SNAP91: variants seen among roughly 807,000 people sequenced by gnomAD.
SNAP91 encodes synaptosome associated protein 91.
In SNAP91, 27 loss-of-function variants were observed where a neutral mutation model predicts 100.3. The ratio of observed to expected loss-of-function variants is 0.27; its 90% CI spans 0.20 to 0.37. The LOEUF (loss-of-function observed/expected upper bound fraction) is 0.37, where lower values mean the gene tolerates loss of function less well. Among genes scored for constraint, SNAP91 ranks in the 10% least tolerant of loss-of-function variants. The pLI, the probability that SNAP91 is intolerant of heterozygous loss-of-function variation, is 1.00. For missense variants in SNAP91, 986 were observed against 1,123.7 expected (o/e 0.88, Z 1.75); for synonymous variants, 404 against 398.6 (o/e 1.01, Z -0.16).
At chr6:83,693,834 G>A (rs1476745665) in intron 2 of SNAP91, among the ~76,000 whole-genome samples, 1 of 152,178 alleles carries the variant, frequency 6.6e-6, no homozygotes, top group African/African-American at 2.4e-5. Flanking sequence ...CCATTTCTGG[G>A]TCTATGTAAA....
At chr6:83,586,082 T>C (rs2092548594) in intron 22 of SNAP91, among the ~76,000 whole-genome samples, 1 of 152,104 alleles carries the variant, frequency 6.6e-6, no homozygotes, top group African/African-American at 2.4e-5. Flanking sequence ...TCTCCTGACC[T>C]TGTGATCTGC....
chr6:83,635,452 CT>C (rs971537914), intron 8 of SNAP91, among the ~76,000 whole-genome samples: 7 of 151,942 alleles, frequency 4.6e-5, no homozygotes, highest in Admixed American at 1.3e-4. Context: ...TGTACTTTTT[CT>C]TTTTTTACTG....
At chr6:83,645,606 G>A (rs192650851) in intron 7 of SNAP91, among the ~76,000 whole-genome samples, 11 of 152,206 alleles carry the variant, frequency 7.2e-5, no homozygotes, top group African/African-American at 2.7e-4. Flanking sequence ...CAGTACTGTG[G>A]GAGGCTGAGG....
chr6:83,674,500 A>G (rs1325620856), intron 2 of SNAP91, among the ~76,000 whole-genome samples: 1 of 152,194 alleles, frequency 6.6e-6, no homozygotes, highest in African/African-American at 2.4e-5. Flanking sequence ...TGTTACTTGC[A>G]ACCAAATGCA....
intron 28 of SNAP91, 49 bp downstream of exon 28, chr6:83,560,055 T>C (rs1463399659): frequency 2.1e-6 from 3 of 1,458,290 alleles, no homozygotes; most frequent in African/African-American, 1.4e-5. Context: ...ACCAATGTTT[T>C]ACACTTATTA....
At chr6:83,629,678 A>G (rs1297190098) in intron 8 of SNAP91, among the ~76,000 whole-genome samples, 2 of 152,026 alleles carry the variant, frequency 1.3e-5, no homozygotes, top group Non-Finnish European at 2.9e-5. Flanking sequence ...TGTATCGAAG[A>G]GCTACTGATT....
At chr6:83,582,197 G>C (rs762929970) in intron 23 of SNAP91, 25 bp downstream of exon 23, 2 of 1,611,134 alleles carry the variant, frequency 1.2e-6, no homozygotes, top group East Asian at 2.2e-5. Context: ...CACATGAAAA[G>C]AATGTTTGAA....
intron 8 of SNAP91, among the ~76,000 whole-genome samples, chr6:83,632,605 C>A (rs2097255118): frequency 6.6e-6 from 1 of 151,850 alleles, no homozygotes; most frequent in Non-Finnish European, 1.5e-5. Context: ...TTTTTCTTTG[C>A]TAGATTGGGT....
intron 5 of SNAP91, 123 bp from the exon 6 acceptor site, chr6:83,659,215 T>A: frequency 2.8e-6 from 2 of 711,298 alleles, no homozygotes; most frequent in Non-Finnish European, 4.6e-6. Flanking sequence ...TGGGATCAAT[T>A]TGAGGTATTA....
intron 7 of SNAP91, among the ~76,000 whole-genome samples, chr6:83,642,228 T>C (rs1337731873): frequency 1.3e-5 from 2 of 152,166 alleles, no homozygotes; most frequent in East Asian, 1.9e-4. Flanking sequence ...CTAGGGTGCA[T>C]ATGCACAACG....
intron 2 of SNAP91, among the ~76,000 whole-genome samples, chr6:83,685,614 T>C (rs2099049728): frequency 6.6e-6 from 1 of 152,224 alleles, no homozygotes; most frequent in African/African-American, 2.4e-5. Context: ...CTAAGTGGTA[T>C]GAACTTCTTC....
chr6:83,707,739 A>G, intron 2 of SNAP91, 59 bp downstream of exon 2: 5 of 1,600,102 alleles, frequency 3.1e-6, no homozygotes, highest in Non-Finnish European at 4.3e-6. Flanking sequence ...AGGCCGCACC[A>G]CCAGCATCCC....
At chr6:83,687,355 G>A (rs1043852179) in intron 2 of SNAP91, among the ~76,000 whole-genome samples, 2 of 152,050 alleles carry the variant, frequency 1.3e-5, no homozygotes, top group African/African-American at 4.8e-5. Flanking sequence ...TCCTACATGG[G>A]CCATATGTTT....
intron 25 of SNAP91, among the ~76,000 whole-genome samples, 194 bp downstream of exon 25, chr6:83,575,829 T>A (rs1232171775): frequency 6.6e-6 from 1 of 152,196 alleles, no homozygotes; most frequent in East Asian, 1.9e-4. Flanking sequence ...TTCCTTTTCA[T>A]TGCAAAGCAA....
chr6:83,708,369 A>T (rs2099410564), intron 1 of SNAP91: 1 of 161,378 alleles, frequency 6.2e-6, no homozygotes, highest in African/African-American at 2.4e-5. Flanking sequence ...CCACCTCAGC[A>T]GACTTTCCTC....
At chr6:83,645,611 C>T (rs1034235810) in intron 7 of SNAP91, among the ~76,000 whole-genome samples, 2 of 152,020 alleles carry the variant, frequency 1.3e-5, no homozygotes, top group African/African-American at 4.8e-5. Context: ...CTGTGGGAGG[C>T]TGAGGTGGGA....
At chr6:83,567,876 A>G (rs1268310016) in intron 26 of SNAP91, among the ~76,000 whole-genome samples, 1 of 152,040 alleles carries the variant, frequency 6.6e-6, no homozygotes, top group Non-Finnish European at 1.5e-5. Context: ...AAGAAATAGG[A>G]ACACTTTTAC....
At chr6:83,571,120 T>C (rs1020871476) in intron 26 of SNAP91, among the ~76,000 whole-genome samples, 1 of 151,726 alleles carries the variant, frequency 6.6e-6, no homozygotes, top group Non-Finnish European at 1.5e-5. Flanking sequence ...CTTTTTTTTT[T>C]TTTCAGGTGG....
At position 83,580,383 on chromosome 6, in the gene SNAP91, G is replaced by C; in HGVS notation, c.2299+67C>G. ...ACATATGAGATGAGAGAGAGAGAGA[G>C]AGAGAAACAAAAAACAATTCACATA... is the stretch of plus-strand genomic sequence containing the variant. On this transcript the variant is annotated intron_variant, in intron 24 of 29. Coordinates refer to ENST00000369694, the MANE Select transcript of SNAP91 (RefSeq NM_001242792.2). 4.8e-6 allele frequency: 7 copies of C among 1,469,750 alleles called. No homozygotes were observed. In the Admixed American group the frequency reaches 1.4e-4, roughly 30 times the overall value. 91.0% of individuals were successfully genotyped at this position (1,469,750 alleles called of 1,614,324 possible).
Sources: allele counts gnomAD v4.1 joint callset (sites outside exome capture counted in the v4.1 genomes callset), GRCh38; gene constraint gnomAD v4.1.1; transcripts MANE v1.5; gene names NCBI Gene and HGNC (gene_info 2026-07-23, HGNC 2026-07-21).